The following ARHGEF12 variants were observed in gnomAD, a reference collection of about 807,000 sequenced individuals.
ARHGEF12 encodes the protein KMT2A/ARHGEF12 fusion protein.
ARHGEF12 carries 66 observed loss-of-function variants against 211.2 expected under a neutral mutation model. The observed-to-expected ratio is 0.31, with a 90% CI of 0.26 to 0.38. The LOEUF is 0.38. Among genes scored for constraint, ARHGEF12 ranks in the 10% least tolerant of loss-of-function variants. ARHGEF12 has a pLI of 1.00. For missense variants in ARHGEF12, 1,429 were observed against 1,869.5 expected (o/e 0.76, Z 4.34); for synonymous variants, 592 against 638.4 (o/e 0.93, Z 1.09).
intron 32 of ARHGEF12, 112 bp from the exon 33 acceptor site, chr11:120,475,228 A>G (rs1335576039): frequency 1.0e-6 from 1 of 1,004,612 alleles, no homozygotes; most frequent in African/African-American, 1.6e-5. Context: ...GTCAATTTTT[A>G]AAATTTTGTA....
intron 1 of ARHGEF12, among the ~76,000 whole-genome samples, chr11:120,370,443 C>T (rs182582317): frequency 2.6e-5 from 4 of 152,202 alleles, no homozygotes; most frequent in African/African-American, 7.2e-5. Flanking sequence ...AAATTTTCAT[C>T]GCTATTCTTA....
rs41508654 is a variant in ARHGEF12 at position 120,459,353 on chromosome 11, A to G, written c.2527+33A>G. The G allele has an allele frequency of 2.5e-3, 3,926 of 1,594,298 alleles. 87 individuals are homozygous for G. The African/African-American group carries it at 0.046, about 19-fold the overall frequency. ...AAATTAGCTCTGATCTTTGCCCCTA[A>G]CATTTCCAATAGAGAAAAGATTGTG... On this transcript the variant is annotated intron_variant, in intron 26 of 40. Transcript: ENST00000397843.
At chr11:120,467,168 A>C (rs772580206) in intron 28 of ARHGEF12, 26 bp from the exon 29 acceptor site, 2 of 1,404,082 alleles carry the variant, frequency 1.4e-6, no homozygotes, top group Admixed American at 3.4e-5. Context: ...AGAATTACAG[A>C]TTCACTTATT....
chr11:120,439,999 T>C, intron 12 of ARHGEF12, 130 bp from the exon 13 acceptor site: 1 of 691,698 alleles, frequency 1.4e-6, no homozygotes, highest in Non-Finnish European at 2.4e-6. Flanking sequence ...ATAAAGTACT[T>C]CAAAGGAAAT....
At chr11:120,422,596 CATT>C (rs1284642239) in intron 6 of ARHGEF12, among the ~76,000 whole-genome samples, 2 of 152,166 alleles carry the variant, frequency 1.3e-5, no homozygotes, top group African/African-American at 4.8e-5. Context: ...CAAGATGTAT[CATT>C]ATGTATATAC....
chr11:120,412,765 T>C (rs1272079360), intron 4 of ARHGEF12, among the ~76,000 whole-genome samples: 2 of 152,182 alleles, frequency 1.3e-5, no homozygotes, highest in Admixed American at 1.3e-4. Context: ...TTCCTCTTTA[T>C]TTCCCTAATT....
Position 120,418,812 on chromosome 11 carries a change from T to C in ARHGEF12, c.200-1941T>C, listed in dbSNP as rs377019264. On this transcript the variant is annotated intron_variant, in intron 4 of 40. Coordinates refer to ENST00000397843, the MANE Select transcript of ARHGEF12 (RefSeq NM_015313.3). Reference sequence around the variant, plus strand: ...ACCTTTACATGTGCTTATTGGCCATTGGTCTATCTTTGTAATGTGTTTATT... The same window carrying C: ...ACCTTTACATGTGCTTATTGGCCATCGGTCTATCTTTGTAATGTGTTTATT... 7.9e-5 allele frequency among the ~76,000 whole-genome samples: 12 copies of C among 152,322 alleles called. No homozygotes were observed. In the South Asian group the frequency reaches 2.3e-3, roughly 29 times the overall value.
At chr11:120,395,763 C>A (rs12804614) in intron 1 of ARHGEF12, among the ~76,000 whole-genome samples, 463 of 152,064 alleles carry the variant, frequency 3.0e-3, no homozygotes, top group African/African-American at 0.011. Context: ...GGAAAAGACC[C>A]CCCCCCTTCA....
intron 1 of ARHGEF12, among the ~76,000 whole-genome samples, chr11:120,381,313 A>G (rs1159995104): frequency 1.3e-5 from 2 of 152,080 alleles, no homozygotes; most frequent in Admixed American, 6.5e-5. Context: ...GGTTCACTCT[A>G]GTCCTCCTTT....
chr11:120,425,959 C>T (rs1257853780), intron 7 of ARHGEF12, among the ~76,000 whole-genome samples: 1 of 152,096 alleles, frequency 6.6e-6, no homozygotes, highest in Non-Finnish European at 1.5e-5. Context: ...GGTGGATGGA[C>T]ATCTTCAAAA....
intron 1 of ARHGEF12, among the ~76,000 whole-genome samples, chr11:120,354,747 T>C (rs1166404589): frequency 6.6e-6 from 1 of 152,204 alleles, no homozygotes; most frequent in Non-Finnish European, 1.5e-5. Flanking sequence ...GAGTAAAGTA[T>C]TGTTTCTAGG....
Position 120,459,989 on chromosome 11 carries a change from G to A in ARHGEF12, c.2527+669G>A, listed in dbSNP as rs191556355. ...GGCCTCCAAAGTGCTGGGATTATAG[G>A]CATGAGCCACTGCCCCGGCCTCAGG... On this transcript the variant is annotated intron_variant, in intron 26 of 40. Transcript: ENST00000397843. Among the ~76,000 whole-genome samples the A allele has an allele frequency of 4.3e-3, 654 of 152,308 alleles. 1 individual carries two copies. Among genetic ancestry groups the A allele is most frequent in the Non-Finnish European group, 7.4e-3 (502 of 68,026 alleles).
intron 8 of ARHGEF12, among the ~76,000 whole-genome samples, chr11:120,428,986 A>T (rs139260684): frequency 1.3e-5 from 2 of 152,320 alleles, no homozygotes; most frequent in African/African-American, 4.8e-5. Flanking sequence ...GTACATGATT[A>T]TCCTAGGATT....
chr11:120,386,917 A>G (rs1944048723), intron 1 of ARHGEF12, among the ~76,000 whole-genome samples: 1 of 152,128 alleles, frequency 6.6e-6, no homozygotes, highest in African/African-American at 2.4e-5. Context: ...GTCAGACTCT[A>G]AAGCTCTTTC....
At position 120,480,397 on chromosome 11, in the gene ARHGEF12, A is replaced by C. The variant is rs774714727; in HGVS notation, c.4204A>C (p.Lys1402Gln). ...ATCAGAAGGTGATGGAGCAGTTAAC[A>C]AGGAAGAGAAGGATGTTAATTTACG... ...NPSEGDGAVN[K>Q]EEKDVNLRIS... Residue 1402 changes from lysine (K) to glutamine (Q), a missense_variant, in exon 38 of 41, where the codon AAG becomes CAG. This residue lies in a region of ARHGEF12 where 467 missense variants were observed against 468.4 expected (regional missense o/e 1.00). Transcript: ENST00000397843. 3 of 1,611,190 alleles carry C rather than the reference A, an allele frequency of 1.9e-6. No homozygotes were observed. The highest frequency in any genetic ancestry group is 2.5e-6 in the Non-Finnish European group (3 of 1,178,298).
chr11:120,409,609 G>A, intron 4 of ARHGEF12, 159 bp downstream of exon 4: 1 of 662,452 alleles, frequency 1.5e-6, no homozygotes, highest in Non-Finnish European at 2.5e-6. Context: ...AGGGAGCCTG[G>A]GGTTTTAACG....
intron 18 of ARHGEF12, 199 bp downstream of exon 18, chr11:120,447,284 G>T: frequency 2.0e-6 from 1 of 506,640 alleles, no homozygotes; most frequent in Non-Finnish European, 3.2e-6. Flanking sequence ...CCTTTTTCTG[G>T]GTGGTGGTAA....
intron 39 of ARHGEF12, among the ~76,000 whole-genome samples, chr11:120,482,940 T>C (rs1947292226): frequency 6.6e-6 from 1 of 152,140 alleles, no homozygotes. Flanking sequence ...ACTTATTTTA[T>C]GTAGTATCAT....
chr11:120,352,176 T>TTTC (rs1403800502), intron 1 of ARHGEF12, among the ~76,000 whole-genome samples: 2 of 151,934 alleles, frequency 1.3e-5, no homozygotes, highest in African/African-American at 4.9e-5. Flanking sequence ...ATTTCTGACA[T>TTTC]GAGGGATTTT....
Sources: allele counts gnomAD v4.1 joint callset (sites outside exome capture counted in the v4.1 genomes callset), GRCh38; gene constraint gnomAD v4.1.1; regional missense constraint gnomAD v4.1.1; transcripts MANE v1.5; gene names NCBI Gene and HGNC (gene_info 2026-07-23, HGNC 2026-07-21).